SLC26A4: variants seen among roughly 807,000 people sequenced by gnomAD.
The protein encoded by SLC26A4 is pendrin.
SLC26A4 carries 93 observed loss-of-function variants against 90.4 expected under a neutral mutation model. The ratio of observed to expected loss-of-function variants is 1.03; its 90% CI spans 0.87 to 1.22. The LOEUF is 1.22. Ranked by LOEUF, SLC26A4 falls within the 50% of genes most tolerant of loss-of-function variation. The probability of loss-of-function intolerance (pLI) is 0.00; values close to 1 mark genes in which losing one functional copy is unlikely to be tolerated. For missense variants in SLC26A4, 1,127 were observed against 946.2 expected (o/e 1.19, Z -2.51); for synonymous variants, 393 against 354.6 (o/e 1.11, Z -1.22).
intron 8 of SLC26A4, among the ~76,000 whole-genome samples, chr7:107,688,500 G>T (rs574083236): frequency 6.6e-6 from 1 of 152,274 alleles, no homozygotes; most frequent in South Asian, 2.1e-4. Context: ...AGATATTTTA[G>T]TCACTATGGA....
At position 107,698,099 on chromosome 7, in the gene SLC26A4, G is replaced by A. The variant is rs201940316; in HGVS notation, c.1602G>A (p.Lys534=). 4 of 1,606,670 alleles carry A rather than the reference G, an allele frequency of 2.5e-6. No individual in the cohort carries two copies. The highest frequency in any genetic ancestry group is 2.2e-5 in the South Asian group (2 of 90,956). ...GCACAGATATCTACAAAAGTACCAA[G>A]AATTACAAAAACGTAAGTACCTTTG... ...IPSTDIYKST[K]NYKNIEEPQG... Residue 534 remains lysine, a synonymous_variant, in exon 14 of 21, where the codon AAG becomes AAA. Transcript: ENST00000644269.
intron 20 of SLC26A4, among the ~76,000 whole-genome samples, chr7:107,713,972 T>G (rs1351894755): frequency 1.3e-5 from 2 of 152,138 alleles, no homozygotes; most frequent in African/African-American, 4.8e-5. Context: ...TGGAGTGCAG[T>G]GGTACAATCT....
intron 10 of SLC26A4, 24 bp downstream of exon 10, chr7:107,690,261 T>A (rs1286244030): frequency 7.6e-7 from 1 of 1,317,306 alleles, no homozygotes; most frequent in Admixed American, 1.7e-5. Context: ...CCTTATGATA[T>A]CCATCTCAGA....
intron 3 of SLC26A4, among the ~76,000 whole-genome samples, chr7:107,668,225 G>A (rs1356031819): frequency 2.0e-5 from 3 of 152,110 alleles, no homozygotes; most frequent in African/African-American, 4.8e-5. Flanking sequence ...AGGAAGGAAA[G>A]AGAGAGTGAA....
Position 107,674,190 on chromosome 7 carries a change from G to C in SLC26A4, c.442G>C (p.Val148Leu). 1 of 1,614,078 alleles carries C rather than the reference G, an allele frequency of 6.2e-7. No individual in the cohort carries two copies. The highest frequency in any genetic ancestry group is 8.5e-7 in the Non-Finnish European group (1 of 1,180,014). ...ACCTTTTCCAGTGGTGAGTTTAATG[G>C]TGGGATCTGTTGTTCTGAGCATGGC... Reference protein sequence around the residue: ...VGPFPVVSLMVGSVVLSMAPD... With the variant: ...VGPFPVVSLMLGSVVLSMAPD... The change falls in exon 5 of 21, where the codon GTG becomes CTG. Residue 148 changes from valine (V) to leucine (L), a missense_variant. Val to Leu is a conservative substitution (Grantham distance 32, BLOSUM62 1). Coordinates refer to ENST00000644269, the MANE Select transcript of SLC26A4 (RefSeq NM_000441.2).
intron 8 of SLC26A4, among the ~76,000 whole-genome samples, chr7:107,684,685 C>G (rs1485171390): frequency 6.6e-6 from 1 of 152,126 alleles, no homozygotes; most frequent in African/African-American, 2.4e-5. Context: ...ATCAGGCTTT[C>G]CAGAGGTGGG....
intron 19 of SLC26A4, among the ~76,000 whole-genome samples, chr7:107,712,286 A>C (rs1792212918): frequency 1.3e-5 from 2 of 152,346 alleles, no homozygotes; most frequent in Admixed American, 6.5e-5. Flanking sequence ...AGAGGCATAC[A>C]CTCAAGAGGT....
At chr7:107,709,697 G>A (rs1167561728) in intron 18 of SLC26A4, among the ~76,000 whole-genome samples, 1 of 152,198 alleles carries the variant, frequency 6.6e-6, no homozygotes, top group East Asian at 1.9e-4. Flanking sequence ...GGTTGACTAC[G>A]ACCAGTTATG....
Position 107,675,088 on chromosome 7 carries a change from T to C in SLC26A4, c.744T>C (p.Asn248=), listed in dbSNP as rs1441657757. The C allele has an allele frequency of 6.2e-7, 1 of 1,613,772 alleles. No individual in the cohort carries two copies. The highest frequency in any genetic ancestry group is 8.5e-7 in the Non-Finnish European group (1 of 1,179,948). The part of the protein sequence containing the change: ...IVLNVSTKNY[N]GVLSIIYTLV... ...TCAATGTTTCAACCAAAAACTACAATGGAGTTCTCTCTATTATCTATGTAA... is the reference window on the plus strand; with the variant it reads ...TCAATGTTTCAACCAAAAACTACAACGGAGTTCTCTCTATTATCTATGTAA... The change falls in exon 6 of 21, where the codon AAT becomes AAC. Residue 248 remains asparagine (N), a synonymous_variant. Coordinates refer to ENST00000644269, the MANE Select transcript of SLC26A4 (RefSeq NM_000441.2).
chr7:107,661,322 C>A lies in SLC26A4; in HGVS notation c.-3-317C>A. ...CAGAACGCGGACAGCGCCCTGGCTGCGGGCCATAGGGGACTGGGTGGAACT... is the reference window on the plus strand; with the variant it reads ...CAGAACGCGGACAGCGCCCTGGCTGAGGGCCATAGGGGACTGGGTGGAACT... On this transcript the variant is annotated intron_variant, in intron 1 of 20. Coordinates refer to ENST00000644269, the MANE Select transcript of SLC26A4 (RefSeq NM_000441.2). The surrounding 1 kb of genome is among the most constrained non-coding windows in gnomAD (Gnocchi z 5.1). 2.2e-6 allele frequency: 1 copy of A among 446,604 alleles called. No homozygotes were observed. Among genetic ancestry groups the A allele is most frequent in the Non-Finnish European group, 4.0e-6 (1 of 247,994 alleles). 27.7% of individuals were successfully genotyped at this position (446,604 alleles called of 1,614,324 possible). A position where few individuals can be genotyped will look rare whatever the true frequency, so the allele number is the denominator to read the frequency against.
chr7:107,689,298 A>G, intron 9 of SLC26A4, 98 bp downstream of exon 9: 1 of 1,280,552 alleles, frequency 7.8e-7, no homozygotes, highest in Non-Finnish European at 1.1e-6. Flanking sequence ...AAGGGGTTGG[A>G]TTCTTTCACC....
chr7:107,694,741 A>G (rs528273571), intron 12 of SLC26A4, 25 bp downstream of exon 12: 1 of 1,484,660 alleles, frequency 6.7e-7, no homozygotes, highest in East Asian at 2.3e-5. Context: ...ACCTATATTT[A>G]TCTGAAATAA....
chr7:107,680,295 TATATA>T (rs200579622), intron 6 of SLC26A4, among the ~76,000 whole-genome samples: 50,286 of 100,598 alleles, frequency 0.5, 13,062 homozygotes, highest in African/African-American at 0.52. Context: ...CTTATCTTAT[TATATA>T]ATATAATCTT....
rs570574020 is a variant in SLC26A4 at position 107,679,138 on chromosome 7, A to T, written c.765+4029A>T. On this transcript the variant is annotated intron_variant, in intron 6 of 20. Coordinates refer to ENST00000644269, the MANE Select transcript of SLC26A4 (RefSeq NM_000441.2). The stretch of plus-strand genomic sequence containing the variant: ...AGGGTATTGGCAGCAATTTAGAATT[A>T]GTCAATACCCTTGATGCTACCATGT... 1.2e-4 allele frequency among the ~76,000 whole-genome samples: 19 copies of T among 152,340 alleles called. No individual in the cohort carries two copies. In the South Asian group the frequency reaches 3.5e-3, roughly 28 times the overall value.
In SLC26A4 at chr7:107,688,288, G is replaced by A. The variant is rs184734209; in HGVS notation, c.1002-765G>A. Among the ~76,000 whole-genome samples the A allele has an allele frequency of 9.2e-5, 14 of 152,292 alleles. No homozygotes were observed. The East Asian group carries it at 2.7e-3, about 29-fold the overall frequency. Reference sequence around the variant, plus strand: ...CTTATTAAAGAAACTTTAGGCATAAGTGATGTAGGTCGGGGAGACCTTTCA... The same window carrying A: ...CTTATTAAAGAAACTTTAGGCATAAATGATGTAGGTCGGGGAGACCTTTCA... On this transcript the variant is annotated intron_variant, in intron 8 of 20. Coordinates refer to ENST00000644269, the MANE Select transcript of SLC26A4 (RefSeq NM_000441.2).
intron 18 of SLC26A4, among the ~76,000 whole-genome samples, chr7:107,705,586 C>T (rs1052252306): frequency 3.3e-5 from 5 of 152,150 alleles, no homozygotes; most frequent in African/African-American, 7.2e-5. Context: ...AAGTGTCACC[C>T]AACTGCACAG....
rs1470334920 is a variant in SLC26A4 at position 107,672,223 on chromosome 7, T to G, written c.390T>G (p.Phe130Leu). The G allele has an allele frequency of 6.2e-7, 1 of 1,602,832 alleles. No individual in the cohort carries two copies. The highest frequency in any genetic ancestry group is 8.5e-7 in the Non-Finnish European group (1 of 1,169,894). ...AFFPILTYFI[F>L]GTSRHISVGP... is the part of the protein sequence containing the mutation. ...TCCCTATCCTGACATACTTTATCTT[T>G]GGAACATCAAGACATATCTCAGTTG... The change falls in exon 4 of 21, where the codon TTT (phenylalanine) becomes TTG (leucine). Residue 130 changes from phenylalanine (F) to leucine (L), a missense_variant. Physicochemically the swap from Phe to Leu is conservative, Grantham distance 22. Coordinates refer to ENST00000644269, the MANE Select transcript of SLC26A4 (RefSeq NM_000441.2).
chr7:107,695,926 T>C lies in SLC26A4; in HGVS notation c.1438-7T>C, dbSNP rs749072741. On this transcript the variant is annotated splice_polypyrimidine_tract_variant and splice_region_variant and intron_variant, in intron 12 of 20. Transcript: ENST00000644269. ...ATAATTCTTTTCATTTCTATTTTTT[T>C]CCCTAGGTTATCTGGGTGTTTACGT... is the stretch of plus-strand genomic sequence containing the variant. The C allele has an allele frequency of 2.1e-6, 3 of 1,453,196 alleles. No individual in the cohort carries two copies. Among genetic ancestry groups the C allele is most frequent in the African/African-American group, 1.4e-5 (1 of 71,598 alleles). The allele number at this position is 1,453,196 out of a possible 1,614,324, so 90.0% of individuals were successfully genotyped here.
chr7:107,667,580 G>C (rs760056985), intron 3 of SLC26A4, among the ~76,000 whole-genome samples: 1 of 151,862 alleles, frequency 6.6e-6, no homozygotes, highest in Non-Finnish European at 1.5e-5. Context: ...TGAATCAGAG[G>C]GAGATAAGAG....
Sources: gnomAD v4.1 joint callset for allele counts (sites outside exome capture counted in the v4.1 genomes callset) on GRCh38, gnomAD v4.1.1 for gene constraint, Gnocchi (gnomAD v3.1) non-coding constraint, MANE v1.5 for transcripts, NCBI Gene and HGNC (gene_info 2026-07-23, HGNC 2026-07-21) for gene names.